Variants in CNTN4 observed in about 807,000 individuals in gnomAD.
The protein encoded by CNTN4 is contactin 4.
Under a neutral mutation model 122.5 loss-of-function variants are expected in CNTN4, and 77 were observed. The ratio of observed to expected loss-of-function variants is 0.63; its 90% CI spans 0.52 to 0.76. CNTN4 has a LOEUF of 0.76. CNTN4 is among the 30% of genes least tolerant of loss of function. The pLI, the probability that CNTN4 is intolerant of heterozygous loss-of-function variation, is 0.00. For synonymous variants in CNTN4, 512 were observed against 447.0 expected (o/e 1.15, Z -1.83); for missense variants, 1,256 against 1,259.1 (o/e 1.00, Z 0.04).
intron 2 of CNTN4, among the ~76,000 whole-genome samples, chr3:2,137,690 T>C (rs937527761): frequency 6.6e-6 from 1 of 152,224 alleles, no homozygotes; most frequent in African/African-American, 2.4e-5. Context: ...AGAAAAGTGC[T>C]GCAGATGATT....
chr3:2,371,174 G>A (rs2045619003), intron 3 of CNTN4, among the ~76,000 whole-genome samples: 1 of 152,118 alleles, frequency 6.6e-6, no homozygotes, highest in Non-Finnish European at 1.5e-5. Context: ...AGTTCATCAA[G>A]CCAGCCAGAA....
At chr3:2,359,169 A>T (rs2045005963) in intron 3 of CNTN4, among the ~76,000 whole-genome samples, 1 of 152,208 alleles carries the variant, frequency 6.6e-6, no homozygotes, top group African/African-American at 2.4e-5. Flanking sequence ...GTAACTTTGT[A>T]AGATTCGATG....
At chr3:2,488,137 T>G (rs2076214536) in intron 3 of CNTN4, among the ~76,000 whole-genome samples, 6 of 152,222 alleles carry the variant, frequency 3.9e-5, no homozygotes, top group Admixed American at 3.9e-4. Flanking sequence ...TTATGATCAC[T>G]TATCCTTCAA....
intron 12 of CNTN4, among the ~76,000 whole-genome samples, chr3:2,923,731 G>T (rs1456798890): frequency 2.6e-5 from 4 of 152,080 alleles, no homozygotes; most frequent in African/African-American, 9.7e-5. Context: ...CACATACACT[G>T]TATTTTTTGT....
intron 8 of CNTN4, among the ~76,000 whole-genome samples, chr3:2,873,164 A>G (rs192356744): frequency 6.6e-6 from 1 of 152,284 alleles, no homozygotes; most frequent in East Asian, 1.9e-4. Context: ...AAGACAAATC[A>G]TTACCATTTC....
intron 2 of CNTN4, among the ~76,000 whole-genome samples, chr3:2,150,419 T>C (rs1274391047): frequency 6.6e-6 from 1 of 152,214 alleles, no homozygotes; most frequent in Non-Finnish European, 1.5e-5. Flanking sequence ...TCCTTGCAAT[T>C]TTTTTGGATA....
chr3:3,029,822 G>A (rs985750639), intron 15 of CNTN4, among the ~76,000 whole-genome samples: 2 of 152,116 alleles, frequency 1.3e-5, no homozygotes, highest in Non-Finnish European at 2.9e-5. Context: ...AGTATTTAGT[G>A]AGTTTAATAT....
At chr3:2,706,101 G>T (rs1576515451) in intron 4 of CNTN4, among the ~76,000 whole-genome samples, 2 of 149,212 alleles carry the variant, frequency 1.3e-5, no homozygotes, top group Admixed American at 1.4e-4. Flanking sequence ...ATCTTCTTTG[G>T]TAGAGATTAG....
At chr3:2,104,972 G>A (rs1169130179) in intron 2 of CNTN4, among the ~76,000 whole-genome samples, 2 of 152,162 alleles carry the variant, frequency 1.3e-5, no homozygotes, top group Non-Finnish European at 2.9e-5. Flanking sequence ...TCCCATTTAA[G>A]GATTGGAGCA....
Position 2,117,619 on chromosome 3 carries a change from C to T in CNTN4, c.-145+16980C>T, listed in dbSNP as rs1165109602. Reference sequence around the variant, plus strand: ...CATCCTGAAGCTACCCAGTAGCTGCCAGCCATTCATCCGCTAATTAGCATA... The same window carrying T: ...CATCCTGAAGCTACCCAGTAGCTGCTAGCCATTCATCCGCTAATTAGCATA... On this transcript the variant is annotated intron_variant, in intron 2 of 24. Transcript: ENST00000418658. Among the ~76,000 whole-genome samples, 5 of 152,154 alleles carry T rather than the reference C, an allele frequency of 3.3e-5. No individual in the cohort carries two copies. In the East Asian group the frequency reaches 9.7e-4, roughly 29 times the overall value.
In CNTN4 at chr3:2,484,096, C is replaced by G. The variant is rs774290606; in HGVS notation, c.-88-87320C>G. Among the ~76,000 whole-genome samples the G allele has an allele frequency of 6.6e-5, 10 of 152,182 alleles. No individual in the cohort carries two copies. In the South Asian group the frequency reaches 1.2e-3, roughly 19 times the overall value. ...GTTAGCAAAATCTACAAAGAACTTT[C>G]TTAAAACTCAACAATCAGGAAACAA... On this transcript the variant is annotated intron_variant, in intron 3 of 24. Coordinates refer to ENST00000418658, the MANE Select transcript of CNTN4 (RefSeq NM_175607.3).
chr3:2,656,829 G>A (rs1172444927), intron 4 of CNTN4, among the ~76,000 whole-genome samples: 1 of 152,170 alleles, frequency 6.6e-6, no homozygotes, highest in Non-Finnish European at 1.5e-5. Flanking sequence ...CTTATCAGCT[G>A]TCTTCCTTTT....
At chr3:2,432,651 T>C (rs2048118042) in intron 3 of CNTN4, among the ~76,000 whole-genome samples, 1 of 151,364 alleles carries the variant, frequency 6.6e-6, no homozygotes, top group Non-Finnish European at 1.5e-5. Flanking sequence ...TATGTGTATA[T>C]ATATGTGTGT....
chr3:2,935,546 C>A (rs777648434), intron 13 of CNTN4, among the ~76,000 whole-genome samples: 3 of 152,108 alleles, frequency 2.0e-5, no homozygotes, highest in South Asian at 2.1e-4. Flanking sequence ...CTGAGAAATT[C>A]AATTGAATGA....
intron 6 of CNTN4, among the ~76,000 whole-genome samples, chr3:2,782,627 C>T (rs1289989836): frequency 1.3e-5 from 2 of 151,956 alleles, no homozygotes; most frequent in South Asian, 2.1e-4. Flanking sequence ...TTGTGATATA[C>T]CACCGGGCGA....
At chr3:2,218,566 A>G (rs915263887) in intron 2 of CNTN4, among the ~76,000 whole-genome samples, 4 of 152,212 alleles carry the variant, frequency 2.6e-5, no homozygotes, top group African/African-American at 4.8e-5. Flanking sequence ...TTTGACACAT[A>G]GCCAAGTCTA....
At chr3:2,818,089 T>A (rs956079992) in intron 6 of CNTN4, among the ~76,000 whole-genome samples, 1 of 152,162 alleles carries the variant, frequency 6.6e-6, no homozygotes, top group Non-Finnish European at 1.5e-5. Context: ...TCTGATTAGG[T>A]GTTATGTGTC....
chr3:3,025,985 G>GA (rs1559803064), intron 14 of CNTN4, 117 bp from the exon 15 acceptor site: 5 of 1,047,954 alleles, frequency 4.8e-6, no homozygotes, highest in East Asian at 5.2e-5. Flanking sequence ...CACAGCCTCA[G>GA]AAAAAATAAA....
intron 2 of CNTN4, among the ~76,000 whole-genome samples, chr3:2,271,053 G>A (rs191741531): frequency 2.6e-5 from 4 of 152,214 alleles, no homozygotes; most frequent in African/African-American, 9.6e-5. Flanking sequence ...GGTGACAGTA[G>A]CAGGCAGAAT....
Sources: allele counts gnomAD v4.1 joint callset (sites outside exome capture counted in the v4.1 genomes callset), GRCh38; gene constraint gnomAD v4.1.1; transcripts MANE v1.5; gene names NCBI Gene and HGNC (gene_info 2026-07-23, HGNC 2026-07-21).